The following E2F3 variants were observed in gnomAD, a reference collection of about 807,000 sequenced individuals.
The protein encoded by E2F3 is E2F transcription factor 3.
Under a neutral mutation model 44.4 loss-of-function variants are expected in E2F3, and 11 were observed. The ratio of observed to expected loss-of-function variants is 0.25; its 90% confidence interval spans 0.16 to 0.41. E2F3 has a LOEUF of 0.41. Among genes scored for constraint, E2F3 ranks in the 10% least tolerant of loss-of-function variants. The pLI, the probability that E2F3 is intolerant of heterozygous loss-of-function variation, is 1.00. For synonymous variants in E2F3, 249 were observed against 253.0 expected (o/e 0.98, Z 0.15); for missense variants, 487 against 583.6 (o/e 0.83, Z 1.70).
chr6:20,473,008 T>A (rs1234772890), intron 1 of E2F3, among the ~76,000 whole-genome samples: 1 of 152,170 alleles, frequency 6.6e-6, no homozygotes, highest in Non-Finnish European at 1.5e-5. Context: ...TTTTTAAAGA[T>A]GGGATGGTAG....
chr6:20,406,452 T>C (rs982253742), intron 1 of E2F3, among the ~76,000 whole-genome samples: 6 of 152,212 alleles, frequency 3.9e-5, no homozygotes, highest in African/African-American at 1.4e-4. Context: ...AGTGAAATAG[T>C]GTAAGGCCAG....
In E2F3 at chr6:20,402,293, G is replaced by C; in HGVS notation, c.61G>C (p.Gly21Arg). The stretch of plus-strand genomic sequence containing the variant: ...CCTGGTGACCGCCGGGGGTGGGGAG[G>C]GGGCGGCTGTCGTCGCCGCCGCCGC... ...QYLVTAGGGE[G>R]AAVVAAAAAA... The change falls in exon 1 of 7, where the codon GGG (glycine) becomes CGG (arginine). Residue 21 changes from glycine to arginine, a missense_variant. Gly to Arg is a moderately radical substitution (Grantham distance 125). Coordinates refer to ENST00000346618, the MANE Select transcript of E2F3 (RefSeq NM_001949.5). This position sits in a 1 kb window ranked among gnomAD's most constrained non-coding sequence, Gnocchi z 5.6. 1 of 1,608,686 alleles carries C rather than the reference G, an allele frequency of 6.2e-7. No homozygotes were observed. The highest frequency in any genetic ancestry group is 8.5e-7 in the Non-Finnish European group (1 of 1,178,676).
At chr6:20,479,688 T>A (rs772355158) in intron 1 of E2F3, among the ~76,000 whole-genome samples, 158 bp from the exon 2 acceptor site, 16 of 152,188 alleles carry the variant, frequency 1.1e-4, no homozygotes, top group Non-Finnish European at 1.2e-4. Flanking sequence ...AACGCTAGAA[T>A]CCTGGCTCTA....
At chr6:20,443,925 A>T (rs906625310) in intron 1 of E2F3, among the ~76,000 whole-genome samples, 2 of 152,250 alleles carry the variant, frequency 1.3e-5, no homozygotes, top group Admixed American at 1.3e-4. Flanking sequence ...TTTTAAAATG[A>T]CAGAGGCTGG....
chr6:20,480,909 A>T (rs149502708), intron 2 of E2F3, among the ~76,000 whole-genome samples: 1 of 152,210 alleles, frequency 6.6e-6, no homozygotes, highest in Admixed American at 6.5e-5. Context: ...AGCGCCCGCT[A>T]TATGTAAATT....
At chr6:20,471,459 G>A (rs1761887543) in intron 1 of E2F3, among the ~76,000 whole-genome samples, 2 of 152,264 alleles carry the variant, frequency 1.3e-5, no homozygotes, top group East Asian at 3.9e-4. Context: ...GTGCACGCCT[G>A]TAATCCCAGC....
chr6:20,479,865 T>A lies in E2F3; in HGVS notation c.413T>A (p.Leu138Gln). The A allele has an allele frequency of 6.2e-7, 1 of 1,612,280 alleles. No homozygotes were observed. Among genetic ancestry groups the A allele is most frequent in the East Asian group, 2.2e-5 (1 of 44,874 alleles). ...GGPPAKRRLE[L>Q]GESGHQYLSD... is the part of the protein sequence containing the mutation. ...TTACAGGCAAAGCGAAGGCTGGAGC[T>A]AGGAGAAAGCGGTCATCAGTACCTC... Residue 138 changes from leucine (L) to glutamine (Q), a missense_variant, in exon 2 of 7, where the codon CTA (leucine) becomes CAA (glutamine). By Grantham distance (113) the Leu-to-Gln change is moderately radical. Transcript: ENST00000346618.
intron 1 of E2F3, chr6:20,421,543 T>C (rs1760027075): frequency 6.6e-6 from 1 of 152,246 alleles, no homozygotes; most frequent in Admixed American, 6.5e-5. Context: ...GTGGTAATAT[T>C]GTGAAAGGAA....
In E2F3 at chr6:20,447,558, A is replaced by G. The variant is rs931225708; in HGVS notation, c.394-32288A>G. Among the ~76,000 whole-genome samples the G allele has an allele frequency of 4.9e-4, 75 of 151,610 alleles. 1 individual carries two copies. Among genetic ancestry groups the G allele is most frequent in the Admixed American group, 1.8e-3 (28 of 15,220 alleles). ...TCAGCAATCTTTTTTTTTTTTAAAC[A>G]GTGATTTGCACTGATCTAGCCTCTA... On this transcript the variant is annotated intron_variant, in intron 1 of 6. Coordinates refer to ENST00000346618, the MANE Select transcript of E2F3 (RefSeq NM_001949.5).
intron 1 of E2F3, among the ~76,000 whole-genome samples, chr6:20,434,516 A>G (rs1760509469): frequency 6.6e-6 from 1 of 152,234 alleles, no homozygotes; most frequent in African/African-American, 2.4e-5. Context: ...CTTTTCTCCT[A>G]CGCCACTTAA....
chr6:20,434,908 G>A (rs1760523575), intron 1 of E2F3, among the ~76,000 whole-genome samples: 1 of 152,162 alleles, frequency 6.6e-6, no homozygotes, highest in Non-Finnish European at 1.5e-5. Flanking sequence ...GGAGAGGGGT[G>A]GGGAGCCTAG....
At position 20,464,155 on chromosome 6, in the gene E2F3, G is replaced by A. The variant is rs181586868; in HGVS notation, c.394-15691G>A. Among the ~76,000 whole-genome samples, 291 of 152,292 alleles carry A rather than the reference G, an allele frequency of 1.9e-3. 2 individuals are homozygous for A. Among genetic ancestry groups the A allele is most frequent in the African/African-American group, 5.7e-3 (238 of 41,566 alleles). On this transcript the variant is annotated intron_variant, in intron 1 of 6. Coordinates refer to ENST00000346618, the MANE Select transcript of E2F3 (RefSeq NM_001949.5). ...AGAAGCTCTCCAAACCCAGTCCTTC[G>A]GGGGCTTTTATGGAAGCTGCATTAC... is the stretch of plus-strand genomic sequence containing the variant.
chr6:20,444,756 AT>A (rs11340342), intron 1 of E2F3, among the ~76,000 whole-genome samples: 17,307 of 152,226 alleles, frequency 0.11, 2,691 homozygotes, highest in African/African-American at 0.36. Context: ...CAGAAAACAC[AT>A]TTTTTATAAC....
chr6:20,448,822 CTA>C (rs1192886486), intron 1 of E2F3, among the ~76,000 whole-genome samples: 2 of 152,166 alleles, frequency 1.3e-5, no homozygotes, highest in African/African-American at 2.4e-5. Context: ...GGAAAACACT[CTA>C]TGGCAAACAT....
chr6:20,412,595 A>G (rs1252814475), intron 1 of E2F3, among the ~76,000 whole-genome samples: 2 of 145,932 alleles, frequency 1.4e-5, no homozygotes, highest in East Asian at 4.4e-4. Context: ...CCTTTCTACA[A>G]GGGCTGGGCG....
In E2F3 at chr6:20,488,222, G is replaced by C; in HGVS notation, c.1109G>C (p.Gly370Ala). ...PMKTNNQDHN[G>A]NIPKPASKDL... Reference sequence around the variant, plus strand: ...AAAACAAACAACCAAGACCACAATGGGAATATCCCTAAACCCGCTTCCAAA... The same window carrying C: ...AAAACAAACAACCAAGACCACAATGCGAATATCCCTAAACCCGCTTCCAAA... Residue 370 changes from glycine (G) to alanine (A), a missense_variant, in exon 6 of 7, where the codon GGG becomes GCG. Gly to Ala is a moderately conservative substitution (Grantham distance 60). Transcript: ENST00000346618. 3.1e-6 allele frequency: 5 copies of C among 1,605,308 alleles called. No homozygotes were observed. Among genetic ancestry groups the C allele is most frequent in the Non-Finnish European group, 4.2e-6 (5 of 1,177,952 alleles).
intron 1 of E2F3, among the ~76,000 whole-genome samples, chr6:20,441,092 C>T (rs1457642015): frequency 2.0e-5 from 3 of 152,156 alleles, no homozygotes; most frequent in Non-Finnish European, 1.5e-5. Context: ...CAATGTTATG[C>T]AAGCATCATC....
chr6:20,412,021 TG>T (rs1759691353), intron 1 of E2F3, among the ~76,000 whole-genome samples: 1 of 152,188 alleles, frequency 6.6e-6, no homozygotes, highest in Non-Finnish European at 1.5e-5. Flanking sequence ...TTAGTCCTAT[TG>T]GGGATACAAA....
At chr6:20,434,856 G>A (rs1760521366) in intron 1 of E2F3, among the ~76,000 whole-genome samples, 2 of 152,166 alleles carry the variant, frequency 1.3e-5, no homozygotes, top group South Asian at 2.1e-4. Flanking sequence ...CTGTTCATCA[G>A]AATGAACAAA....
Sources: allele counts gnomAD v4.1 joint callset (sites outside exome capture counted in the v4.1 genomes callset), GRCh38; gene constraint gnomAD v4.1.1; non-coding constraint Gnocchi (gnomAD v3.1); transcripts MANE v1.5; gene names NCBI Gene and HGNC (gene_info 2026-07-23, HGNC 2026-07-21).